The following DCC variants were observed in gnomAD, a reference collection of about 807,000 sequenced individuals.
DCC encodes the protein DCC netrin 1 receptor.
DCC carries 58 observed loss-of-function variants against 172.5 expected under a neutral mutation model. That is an observed-to-expected ratio of 0.34 (90% CI 0.27 to 0.42). DCC has a LOEUF of 0.42. Among genes scored for constraint, DCC ranks in the 10% least tolerant of loss-of-function variants. The pLI is 1.00. For synonymous variants in DCC, 709 were observed against 644.5 expected (o/e 1.10, Z -1.52); for missense variants, 1,740 against 1,791.0 (o/e 0.97, Z 0.51).
intron 12 of DCC, among the ~76,000 whole-genome samples, chr18:53,236,773 A>G (rs1378065841): frequency 6.6e-6 from 1 of 152,094 alleles, no homozygotes; most frequent in East Asian, 1.9e-4. Flanking sequence ...GAAGGGGCCA[A>G]GGTTATTTAT....
At chr18:52,989,502 G>A (rs1400232335) in intron 5 of DCC, among the ~76,000 whole-genome samples, 2 of 152,144 alleles carry the variant, frequency 1.3e-5, no homozygotes, top group African/African-American at 2.4e-5. Context: ...CAGCCTGGGC[G>A]ACAAGAGGGA....
At chr18:53,068,771 C>CTCTGTG (rs1270902427) in intron 7 of DCC, among the ~76,000 whole-genome samples, 3 of 143,624 alleles carry the variant, frequency 2.1e-5, no homozygotes, top group African/African-American at 7.9e-5. Context: ...ACCTTTTAGA[C>CTCTGTG]TGTGTGTGTG....
intron 25 of DCC, among the ~76,000 whole-genome samples, chr18:53,479,193 T>G (rs909000040): frequency 2.0e-5 from 3 of 152,352 alleles, no homozygotes; most frequent in African/African-American, 2.4e-5. Context: ...GCATTAGAAA[T>G]GATCTCATTA....
In DCC at chr18:53,494,947, T is replaced by A. The variant is rs897602556; in HGVS notation, c.3899-4351T>A. On this transcript the variant is annotated intron_variant, in intron 26 of 28. Transcript: ENST00000442544. ...TTTTGCAGTGGCTAGTACCGGTTGT[T>A]CCTTTCCATGTTTAGTGCCTCCTTC... is the stretch of plus-strand genomic sequence containing the variant. Among the ~76,000 whole-genome samples, 3 of 152,220 alleles carry A rather than the reference T, an allele frequency of 2.0e-5. No homozygotes were observed. The South Asian group carries it at 6.2e-4, about 31-fold the overall frequency.
intron 5 of DCC, among the ~76,000 whole-genome samples, chr18:52,990,692 A>G (rs1268828153): frequency 6.6e-6 from 1 of 151,884 alleles, no homozygotes; most frequent in Non-Finnish European, 1.5e-5. Flanking sequence ...CAATCCCCCT[A>G]AGCATGTATT....
intron 5 of DCC, among the ~76,000 whole-genome samples, chr18:53,004,401 C>G (rs760685578): frequency 1.4e-4 from 21 of 152,074 alleles, no homozygotes; most frequent in Non-Finnish European, 3.1e-4. Context: ...CTATTTTTTC[C>G]TCAAAGCAGC....
chr18:53,232,077 C>T (rs1482455650), intron 12 of DCC, among the ~76,000 whole-genome samples: 2 of 152,076 alleles, frequency 1.3e-5, no homozygotes, highest in South Asian at 2.1e-4. Context: ...ATAACGTCTG[C>T]TCATTTGTCA....
intron 5 of DCC, among the ~76,000 whole-genome samples, chr18:53,039,126 C>T (rs531652030): frequency 9.6e-4 from 146 of 152,120 alleles, no homozygotes; most frequent in Middle Eastern, 6.8e-3. Flanking sequence ...TACACAAAGT[C>T]TGTGTCTCTA....
At chr18:53,012,852 C>G (rs901576683) in intron 5 of DCC, among the ~76,000 whole-genome samples, 1 of 151,898 alleles carries the variant, frequency 6.6e-6, no homozygotes, top group Admixed American at 6.6e-5. Flanking sequence ...TAATATCCAG[C>G]ATCTATAAGG....
intron 1 of DCC, among the ~76,000 whole-genome samples, chr18:52,676,476 CCCAAAATA>C (rs1460548544): frequency 6.6e-6 from 1 of 152,072 alleles, no homozygotes; most frequent in African/African-American, 2.4e-5. Context: ...ATGACTTGTA[CCCAAAATA>C]TCTGACTTAT....
chr18:52,818,923 C>G (rs549935495), intron 2 of DCC, among the ~76,000 whole-genome samples: 1 of 152,250 alleles, frequency 6.6e-6, no homozygotes, highest in East Asian at 1.9e-4. Flanking sequence ...CTAAGACTTG[C>G]ATTCTTAATT....
chr18:52,950,498 T>A (rs1368671038), intron 5 of DCC, among the ~76,000 whole-genome samples: 1 of 152,178 alleles, frequency 6.6e-6, no homozygotes, highest in African/African-American at 2.4e-5. Context: ...GAGATATAGA[T>A]TATATAACTC....
chr18:52,746,960 T>G (rs1214989543), intron 1 of DCC, among the ~76,000 whole-genome samples: 1 of 148,352 alleles, frequency 6.7e-6, no homozygotes, highest in Admixed American at 6.7e-5. Flanking sequence ...AAGGAGGAAG[T>G]GTAAGGGGAG....
At chr18:52,522,034 G>A (rs2031835265) in intron 1 of DCC, among the ~76,000 whole-genome samples, 1 of 152,070 alleles carries the variant, frequency 6.6e-6, no homozygotes, top group South Asian at 2.1e-4. Context: ...CAATGGAATA[G>A]AAATGCCCAA....
intron 5 of DCC, among the ~76,000 whole-genome samples, chr18:52,945,968 G>A (rs904745573): frequency 1.3e-5 from 2 of 150,648 alleles, no homozygotes; most frequent in Non-Finnish European, 2.9e-5. Flanking sequence ...ACAATTGGCC[G>A]GGGCTAAGGG....
chr18:53,311,130 A>AT (rs926473197), intron 13 of DCC, among the ~76,000 whole-genome samples: 5 of 36,554 alleles, frequency 1.4e-4, no homozygotes, highest in African/African-American at 6.3e-4. Flanking sequence ...TTATTTATTT[A>AT]TTTTTTTTGA....
chr18:53,350,707 A>C (rs1230549370), intron 15 of DCC, among the ~76,000 whole-genome samples: 1 of 152,086 alleles, frequency 6.6e-6, no homozygotes, highest in Non-Finnish European at 1.5e-5. Context: ...GAAAAAAGTC[A>C]CTAGAAGTTG....
chr18:52,917,528 A>G (rs2040060392), intron 3 of DCC, among the ~76,000 whole-genome samples: 1 of 152,210 alleles, frequency 6.6e-6, no homozygotes, highest in African/African-American at 2.4e-5. Context: ...TAATGATTGT[A>G]GACTGGTCAT....
intron 1 of DCC, among the ~76,000 whole-genome samples, chr18:52,693,655 C>T (rs2035966413): frequency 6.6e-6 from 1 of 151,724 alleles, no homozygotes; most frequent in African/African-American, 2.4e-5. Flanking sequence ...ATAACTGACT[C>T]TAAAACTGGG....
Sources: allele counts gnomAD v4.1 joint callset (sites outside exome capture counted in the v4.1 genomes callset), GRCh38; gene constraint gnomAD v4.1.1; transcripts MANE v1.5; gene names NCBI Gene and HGNC (gene_info 2026-07-23, HGNC 2026-07-21).